Variants in SORD observed in about 807,000 individuals in gnomAD.
SORD encodes the protein (R,R)-butanediol dehydrogenase.
In SORD, 18 loss-of-function variants were observed where a neutral mutation model predicts 35.6. The ratio of observed to expected loss-of-function variants is 0.51; its 90% CI spans 0.35 to 0.75. The LOEUF (loss-of-function observed/expected upper bound fraction) is 0.75. Among genes scored for constraint, SORD ranks in the 30% least tolerant of loss-of-function variants. The pLI, the probability that SORD is intolerant of heterozygous loss-of-function variation, is 0.01. For missense variants in SORD, 250 were observed against 390.2 expected, an observed-to-expected ratio of 0.64 and a Z score of 3.03; for synonymous variants, 106 against 152.9, an observed-to-expected ratio of 0.69 and a Z score of 2.26.
chr15:45,028,836 C>T (rs1462214507), intron 1 of SORD, among the ~76,000 whole-genome samples: 1 of 152,222 alleles, frequency 6.6e-6, no homozygotes, highest in African/African-American at 2.4e-5. Context: ...TAATACAGCA[C>T]ATTCAAAATG....
Position 45,023,349 on chromosome 15 carries a change from G to A in SORD, c.66G>A (p.Leu22=). 6.4e-7 allele frequency: 1 copy of A among 1,573,214 alleles called. No homozygotes were observed. The highest frequency in any genetic ancestry group is 8.6e-7 in the Non-Finnish European group (1 of 1,160,680). Residue 22 remains leucine, a splice_region_variant and synonymous_variant, in exon 1 of 9, where the codon CTG becomes CTA. Coordinates refer to ENST00000267814, the MANE Select transcript of SORD (RefSeq NM_003104.6). ...LVVHGPGDLR[L]ENYPIPEPGP... is the part of the protein sequence containing the mutation. ...TGCACGGACCGGGGGACTTGCGCCT[G>A]GTAAGCTGGGAAGGAGGGTGGGAAG...
intron 1 of SORD, among the ~76,000 whole-genome samples, chr15:45,028,308 C>T (rs919302661): frequency 6.6e-6 from 1 of 152,232 alleles, no homozygotes; most frequent in Non-Finnish European, 1.5e-5. Flanking sequence ...GCGTGGGTGA[C>T]AGAACAAGAC....
At chr15:45,051,309 C>T (rs116964527) in intron 3 of SORD, among the ~76,000 whole-genome samples, 4,755 of 152,202 alleles carry the variant, frequency 0.031, 93 homozygotes, top group Non-Finnish European at 0.048. Context: ...ATGTTATTCA[C>T]TAAAATATAA....
At chr15:45,044,851 C>G (rs1033439338) in intron 3 of SORD, among the ~76,000 whole-genome samples, 1 of 151,992 alleles carries the variant, frequency 6.6e-6, no homozygotes, top group Non-Finnish European at 1.5e-5. Context: ...ACATGCAGCA[C>G]CATGCCTGGC....
intron 3 of SORD, among the ~76,000 whole-genome samples, chr15:45,049,500 G>C (rs1893094922): frequency 1.3e-5 from 2 of 152,102 alleles, no homozygotes; most frequent in African/African-American, 4.8e-5. Flanking sequence ...ACAAGACAAG[G>C]GGGTAAGAAA....
intron 7 of SORD, 130 bp downstream of exon 7, chr15:45,069,182 T>C (rs1257686736): frequency 1.3e-5 from 6 of 465,558 alleles, no homozygotes; most frequent in African/African-American, 2.1e-5. Flanking sequence ...TTGCCATCTA[T>C]GTTTTCTTTT....
chr15:45,024,507 T>G (rs1414371894), intron 1 of SORD, among the ~76,000 whole-genome samples: 2 of 152,152 alleles, frequency 1.3e-5, no homozygotes, highest in Non-Finnish European at 2.9e-5. Flanking sequence ...ATAGGTTTTG[T>G]TAGTTAACAG....
chr15:45,038,126 C>CCGTTCCTT (rs1892899682), intron 1 of SORD, among the ~76,000 whole-genome samples: 1 of 122,244 alleles, frequency 8.2e-6, no homozygotes, highest in Non-Finnish European at 1.8e-5. Context: ...CTCGCATCCT[C>CCGTTCCTT]CCTTCCTTCC....
intron 3 of SORD, among the ~76,000 whole-genome samples, chr15:45,045,658 G>T (rs1196644351): frequency 6.6e-6 from 1 of 151,982 alleles, no homozygotes; most frequent in Non-Finnish European, 1.5e-5. Flanking sequence ...GTTTTGTGTT[G>T]GGGAGTTATT....
intron 1 of SORD, among the ~76,000 whole-genome samples, chr15:45,030,176 C>T (rs66989870): frequency 0.21 from 31,247 of 150,738 alleles, no homozygotes; most frequent in African/African-American, 0.44. Context: ...TCACTGGGTA[C>T]CCACCCCTAT....
intron 3 of SORD, 101 bp from the exon 4 acceptor site, chr15:45,060,966 T>C (rs1472096379): frequency 6.4e-7 from 1 of 1,556,298 alleles, no homozygotes; most frequent in Non-Finnish European, 8.7e-7. Context: ...CATCTCTGCT[T>C]CTGCTGTTTT....
rs146338560 is a variant in SORD, at chr15:45,061,837, C to G, written c.425+611C>G. Reference sequence around the variant, plus strand: ...TGAGCCGAGATGGCGCCACTGCACTCCAGCCTGGGCAACAGACCGAGACTC... The same window carrying G: ...TGAGCCGAGATGGCGCCACTGCACTGCAGCCTGGGCAACAGACCGAGACTC... On this transcript the variant is annotated intron_variant, in intron 4 of 8. Coordinates refer to ENST00000267814, the MANE Select transcript of SORD (RefSeq NM_003104.6). Among the ~76,000 whole-genome samples, 819 of 152,088 alleles carry G rather than the reference C, an allele frequency of 5.4e-3. 14 individuals carry two copies. The highest frequency in any genetic ancestry group is 0.01 in the Admixed American group (160 of 15,278).
chr15:45,048,460 G>A (rs1463700686), intron 3 of SORD, among the ~76,000 whole-genome samples: 3 of 152,198 alleles, frequency 2.0e-5, no homozygotes, highest in Non-Finnish European at 4.4e-5. Flanking sequence ...TGTAATCGCA[G>A]CACTTTGGGA....
intron 3 of SORD, chr15:45,047,100 T>C (rs977571237): frequency 3.3e-5 from 5 of 152,214 alleles, no homozygotes; most frequent in African/African-American, 1.2e-4. Flanking sequence ...TTCCTATTTT[T>C]TTTTAAGACT....
At chr15:45,031,276 C>T (rs72722075) in intron 1 of SORD, among the ~76,000 whole-genome samples, 13,219 of 151,954 alleles carry the variant, frequency 0.087, 755 homozygotes, top group Middle Eastern at 0.18. Context: ...TATTAATGTG[C>T]CAGCCTGGGC....
At chr15:45,064,540 G>A (rs1175217661) in intron 4 of SORD, among the ~76,000 whole-genome samples, 2 of 152,214 alleles carry the variant, frequency 1.3e-5, no homozygotes, top group Non-Finnish European at 2.9e-5. Context: ...CAGAGTGAAG[G>A]TGACACTGCA....
chr15:45,071,541 C>G (rs1424894268), intron 7 of SORD, among the ~76,000 whole-genome samples: 1 of 152,148 alleles, frequency 6.6e-6, no homozygotes, highest in East Asian at 1.9e-4. Flanking sequence ...CAGAATGGTC[C>G]CAATAAATGC....
intron 1 of SORD, among the ~76,000 whole-genome samples, chr15:45,030,113 A>G (rs1011198424): frequency 6.6e-6 from 1 of 152,216 alleles, no homozygotes; most frequent in Admixed American, 6.5e-5. Flanking sequence ...CCAGGATTTA[A>G]CTTGTAGCTT....
intron 1 of SORD, among the ~76,000 whole-genome samples, chr15:45,037,218 A>G (rs1261462884): frequency 2.0e-5 from 3 of 152,254 alleles, no homozygotes; most frequent in African/African-American, 7.2e-5. Context: ...GTGTTCTGCT[A>G]CAGGCACAGC....
Sources: allele counts gnomAD v4.1 joint callset (sites outside exome capture counted in the v4.1 genomes callset), GRCh38; gene constraint gnomAD v4.1.1; transcripts MANE v1.5; gene names NCBI Gene and HGNC (gene_info 2026-07-23, HGNC 2026-07-21).